MYO10: variants seen among roughly 807,000 people sequenced by gnomAD.
The protein encoded by MYO10 is unconventional myosin-X.
A neutral mutation model predicts 257.3 loss-of-function variants in MYO10; 133 were observed. The observed-to-expected ratio is 0.52, with a 90% CI of 0.45 to 0.60. The LOEUF (loss-of-function observed/expected upper bound fraction) is 0.60, where lower values mean the gene tolerates loss of function less well. Ranked by LOEUF, MYO10 falls within the 20% of genes least tolerant of loss-of-function variation. The probability of loss-of-function intolerance (pLI) is 0.00; values close to 1 mark genes in which losing one functional copy is unlikely to be tolerated. For missense variants in MYO10, 2,399 were observed against 2,635.7 expected (o/e 0.91, Z 1.97); for synonymous variants, 1,104 against 1,028.6 (o/e 1.07, Z -1.40).
intron 2 of MYO10, among the ~76,000 whole-genome samples, chr5:16,865,548 T>C (rs1744220246): frequency 6.6e-6 from 1 of 152,146 alleles, no homozygotes; most frequent in African/African-American, 2.4e-5. Context: ...TAAATTACAA[T>C]GCCTGTAATC....
chr5:16,680,393 G>GTTA (rs1304362361), intron 32 of MYO10, among the ~76,000 whole-genome samples: 1 of 152,126 alleles, frequency 6.6e-6, no homozygotes, highest in African/African-American at 2.4e-5. Context: ...GAAGGGAAAA[G>GTTA]GGTAAGTTAA....
intron 3 of MYO10, among the ~76,000 whole-genome samples, chr5:16,813,656 T>C (rs1742510464): frequency 6.6e-6 from 1 of 152,060 alleles, no homozygotes; most frequent in Admixed American, 6.5e-5. Flanking sequence ...TCCCAGAGCC[T>C]GTGACTAGAT....
In MYO10 at chr5:16,663,250, T is replaced by C. The variant is rs959984962; in HGVS notation, c.*3442A>G. The C allele has an allele frequency of 1.4e-5, 2 of 146,470 alleles. No individual in the cohort carries two copies. Among genetic ancestry groups the C allele is most frequent in the African/African-American group, 2.5e-5 (1 of 39,250 alleles). 9.1% of individuals were successfully genotyped at this position (146,470 alleles called of 1,614,324 possible). On this transcript the variant is annotated 3_prime_UTR_variant, in exon 41 of 41. Transcript: ENST00000513610. ...TTTGAGAGAATATTCAATAAAACAG[T>C]AAAAATAGCTGTTTCTGGGAAAGGA...
intron 19 of MYO10, among the ~76,000 whole-genome samples, chr5:16,736,155 C>T (rs1739792473): frequency 6.6e-6 from 1 of 152,256 alleles, no homozygotes; most frequent in Non-Finnish European, 1.5e-5. Context: ...TCTCTATCAT[C>T]TAACTACTTT....
intron 3 of MYO10, among the ~76,000 whole-genome samples, chr5:16,803,420 T>C (rs1298512457): frequency 6.6e-6 from 1 of 151,852 alleles, no homozygotes; most frequent in Non-Finnish European, 1.5e-5. Context: ...TGAGACCCTA[T>C]CTCAAAAGAA....
intron 2 of MYO10, among the ~76,000 whole-genome samples, chr5:16,818,381 CGTGTGT>C (rs66684462): frequency 0.29 from 38,467 of 133,736 alleles, 5,927 homozygotes; most frequent in East Asian, 0.36. Flanking sequence ...TGTGTGTGTG[CGTGTGT>C]GTGTGTGTGT....
Position 16,869,626 on chromosome 5 carries a change from A to T in MYO10, c.120+7983T>A, listed in dbSNP as rs1012663860. 9.7e-3 allele frequency among the ~76,000 whole-genome samples: 1,453 copies of T among 149,228 alleles called. 26 individuals carry two copies. Among genetic ancestry groups the T allele is most frequent in the African/African-American group, 0.027 (1,065 of 39,332 alleles). On this transcript the variant is annotated intron_variant, in intron 2 of 40. Coordinates refer to ENST00000513610, the MANE Select transcript of MYO10 (RefSeq NM_012334.3). ...ACGCCTGTAATCCCAGCACTTTGGG[A>T]AGCCAAGGCAGGTGGATCACCTGAG...
chr5:16,889,474 A>G (rs1744983726), intron 1 of MYO10, among the ~76,000 whole-genome samples: 2 of 133,270 alleles, frequency 1.5e-5, no homozygotes, highest in African/African-American at 5.9e-5. Flanking sequence ...AGGGAAGAAA[A>G]GAAAGAAGGA....
At chr5:16,719,005 T>C (rs971071753) in intron 19 of MYO10, among the ~76,000 whole-genome samples, 4 of 152,088 alleles carry the variant, frequency 2.6e-5, no homozygotes, top group Non-Finnish European at 4.4e-5. Flanking sequence ...TAAAAGCAGG[T>C]TGCCAGCATT....
At chr5:16,771,529 AG>A (rs2126659452) in intron 9 of MYO10, among the ~76,000 whole-genome samples, 1 of 147,710 alleles carries the variant, frequency 6.8e-6, no homozygotes, top group South Asian at 2.2e-4. Context: ...ACCCAAATCT[AG>A]GAACTTACTA....
chr5:16,847,960 T>C (rs1743686204), intron 2 of MYO10, among the ~76,000 whole-genome samples: 1 of 152,280 alleles, frequency 6.6e-6, no homozygotes, highest in Middle Eastern at 3.4e-3. Flanking sequence ...ATGCAAGTGA[T>C]AGCCTAGAGA....
intron 1 of MYO10, among the ~76,000 whole-genome samples, chr5:16,909,042 T>C (rs1745587270): frequency 6.6e-6 from 1 of 152,192 alleles, no homozygotes; most frequent in South Asian, 2.1e-4. Flanking sequence ...CATACTGCTA[T>C]GAAGAAATAC....
Position 16,741,576 on chromosome 5 carries a change from C to T in MYO10, c.1929+13252G>A, listed in dbSNP as rs371414872. Among the ~76,000 whole-genome samples, 62 of 152,232 alleles carry T rather than the reference C, an allele frequency of 4.1e-4. No homozygotes were observed. In the South Asian group the frequency reaches 7.7e-3, roughly 19 times the overall value. On this transcript the variant is annotated intron_variant, in intron 19 of 40. Transcript: ENST00000513610. Reference sequence around the variant, plus strand: ...ATATGAAAATATATTGCATTATCAACGCCTTAACTGATCAGTGAATTGTGT... The same window carrying T: ...ATATGAAAATATATTGCATTATCAATGCCTTAACTGATCAGTGAATTGTGT...
intron 19 of MYO10, among the ~76,000 whole-genome samples, chr5:16,743,387 A>T (rs567225334): frequency 3.3e-5 from 5 of 152,290 alleles, no homozygotes; most frequent in African/African-American, 1.2e-4. Flanking sequence ...TTACGTCTGT[A>T]ATCCCAGCAC....
chr5:16,762,048 T>C lies in MYO10; in HGVS notation c.1653A>G (p.Gly551=). ...AGGTATCTTAATAAAAAGTTACCTC[T>C]CCAGCATAGTGCTTCACTCCAAAAT... The part of the protein sequence containing the change: ...VNNFGVKHYA[G]EVQYDVRGIL... The change falls in exon 16 of 41, where the codon GGA becomes GGG. Residue 551 remains glycine, a synonymous_variant. Coordinates refer to ENST00000513610, the MANE Select transcript of MYO10 (RefSeq NM_012334.3). 1.3e-6 allele frequency: 2 copies of C among 1,529,524 alleles called. No homozygotes were observed. The highest frequency in any genetic ancestry group is 8.7e-7 in the Non-Finnish European group (1 of 1,145,298). 94.7% of individuals were successfully genotyped at this position (1,529,524 alleles called of 1,614,324 possible). A position where few individuals can be genotyped will look rare whatever the true frequency, so the allele number is the denominator to read the frequency against.
chr5:16,840,966 C>G (rs1280100933), intron 2 of MYO10, among the ~76,000 whole-genome samples: 1 of 151,112 alleles, frequency 6.6e-6, no homozygotes, highest in Non-Finnish European at 1.5e-5. Context: ...GATGGTGAAA[C>G]CCCATCTCTA....
At chr5:16,709,686 T>C (rs562616839) in intron 21 of MYO10, among the ~76,000 whole-genome samples, 1 of 152,332 alleles carries the variant, frequency 6.6e-6, no homozygotes, top group African/African-American at 2.4e-5. Flanking sequence ...TGGGGGACCC[T>C]GATCAGAGGA....
At chr5:16,713,840 T>C (rs995277824) in intron 19 of MYO10, among the ~76,000 whole-genome samples, 5 of 152,198 alleles carry the variant, frequency 3.3e-5, no homozygotes, top group African/African-American at 1.2e-4. Flanking sequence ...AAAACTCTGC[T>C]ACTGCGCTGC....
intron 1 of MYO10, among the ~76,000 whole-genome samples, chr5:16,932,197 T>C (rs1746311792): frequency 6.6e-6 from 1 of 152,262 alleles, no homozygotes. Flanking sequence ...AGTATCTTAC[T>C]TGTGTACATT....
Sources: gnomAD v4.1 joint callset for allele counts (sites outside exome capture counted in the v4.1 genomes callset) on GRCh38, gnomAD v4.1.1 for gene constraint, MANE v1.5 for transcripts, NCBI Gene and HGNC (gene_info 2026-07-23, HGNC 2026-07-21) for gene names.